PRELID2: variants seen among roughly 807,000 people sequenced by gnomAD.
The protein encoded by PRELID2 is PRELI domain-containing protein 2.
In PRELID2, 25 loss-of-function variants were observed where a neutral mutation model predicts 28.4. The ratio of observed to expected loss-of-function variants is 0.88; its 90% CI spans 0.64 to 1.23. PRELID2 has a LOEUF of 1.23. PRELID2 is among the 50% of genes most tolerant of loss of function. PRELID2 has a pLI of 0.00. For missense variants in PRELID2, 201 were observed against 214.4 expected, an observed-to-expected ratio of 0.94 and a Z score of 0.39; for synonymous variants, 76 against 71.6, an observed-to-expected ratio of 1.06 and a Z score of -0.31.
intron 1 of PRELID2, among the ~76,000 whole-genome samples, chr5:145,685,537 A>AT (rs1210797926): frequency 3.9e-5 from 6 of 152,064 alleles, no homozygotes; most frequent in Admixed American, 1.3e-4. Context: ...CTCCATGACC[A>AT]TTTTTTTCCT....
At chr5:145,408,911 C>CA in the PRELID2 span, among the ~76,000 whole-genome samples, 3 of 152,012 alleles carry the variant, frequency 2.0e-5, no homozygotes. Flanking sequence ...CCTAGGCACA[C>CA]AGTCATCAGG....
intron 1 of PRELID2, among the ~76,000 whole-genome samples, chr5:145,530,674 T>G (rs1752648017): frequency 6.6e-6 from 1 of 151,938 alleles, no homozygotes; most frequent in African/African-American, 2.4e-5. Flanking sequence ...AATCAGGACT[T>G]TTTCTTGTCT....
chr5:145,402,404 T>C, the PRELID2 span, among the ~76,000 whole-genome samples: 2 of 152,332 alleles, frequency 1.3e-5, no homozygotes, highest in African/African-American at 4.8e-5. Flanking sequence ...GGATTGTTTA[T>C]ATATGAAACA....
the PRELID2 span, among the ~76,000 whole-genome samples, chr5:145,260,442 C>G: frequency 6.6e-6 from 1 of 152,170 alleles, no homozygotes; most frequent in Non-Finnish European, 1.5e-5. Flanking sequence ...AAGACTTAAA[C>G]AGCATTGTCA....
intron 1 of PRELID2, among the ~76,000 whole-genome samples, chr5:145,486,623 T>G (rs988642494): frequency 1.3e-5 from 2 of 152,126 alleles, no homozygotes; most frequent in African/African-American, 4.8e-5. Context: ...TAAGGTGGCA[T>G]GTGCTGTCAG....
chr5:145,603,443 A>G (rs1753427873), intron 1 of PRELID2, among the ~76,000 whole-genome samples: 1 of 152,186 alleles, frequency 6.6e-6, no homozygotes, highest in Non-Finnish European at 1.5e-5. Flanking sequence ...ATGATTGACA[A>G]CCTAAAATGT....
Position 145,746,309 on chromosome 5 carries a change from G to A in PRELID2, n.70+18622C>T, listed in dbSNP as rs140434450. Among the ~76,000 whole-genome samples the A allele has an allele frequency of 6.6e-3, 1,004 of 152,078 alleles. 13 individuals carry two copies. Among genetic ancestry groups the A allele is most frequent in the African/African-American group, 0.023 (936 of 41,460 alleles). On this transcript the variant is annotated intron_variant and non_coding_transcript_variant, in intron 1 of 2. Transcript: ENST00000510259. Reference sequence around the variant, plus strand: ...AGTCACACATGGGCTCAAAATAAAGGGATGGAGGAAAATTTACCAAGAAAA... The same window carrying A: ...AGTCACACATGGGCTCAAAATAAAGAGATGGAGGAAAATTTACCAAGAAAA...
At chr5:145,392,579 G>A in the PRELID2 span, among the ~76,000 whole-genome samples, 1 of 152,042 alleles carries the variant, frequency 6.6e-6, no homozygotes, top group African/African-American at 2.4e-5. Context: ...AATTGCAGAG[G>A]ACACAATGCA....
the PRELID2 span, among the ~76,000 whole-genome samples, chr5:145,400,711 T>C: frequency 6.6e-6 from 1 of 152,106 alleles, no homozygotes; most frequent in South Asian, 2.1e-4. Flanking sequence ...CTTTGTTTCT[T>C]TGGACCATCT....
chr5:145,282,717 C>T, the PRELID2 span, among the ~76,000 whole-genome samples: 2 of 152,036 alleles, frequency 1.3e-5, no homozygotes, highest in Non-Finnish European at 2.9e-5. Flanking sequence ...CAGGGTTTCA[C>T]CATTTTGACC....
chr5:145,593,187 C>T (rs1006538321), intron 1 of PRELID2, among the ~76,000 whole-genome samples: 3 of 152,140 alleles, frequency 2.0e-5, no homozygotes, highest in South Asian at 4.2e-4. Flanking sequence ...AAGAATCATA[C>T]GTCCTAGTCT....
chr5:145,519,063 A>G (rs181619577), intron 1 of PRELID2, among the ~76,000 whole-genome samples: 1 of 152,262 alleles, frequency 6.6e-6, no homozygotes, highest in East Asian at 1.9e-4. Flanking sequence ...TTTTCATATC[A>G]TAACCTGCCC....
chr5:145,557,025 T>C (rs147435394), intron 1 of PRELID2, among the ~76,000 whole-genome samples: 8 of 152,314 alleles, frequency 5.3e-5, no homozygotes, highest in African/African-American at 1.9e-4. Flanking sequence ...ATTGCAACTT[T>C]AAAGTTGTGT....
chr5:145,464,655 T>C, the PRELID2 span, among the ~76,000 whole-genome samples: 61 of 152,266 alleles, frequency 4.0e-4, no homozygotes, highest in Non-Finnish European at 7.9e-4. Context: ...TATTTGGACA[T>C]GTGAAAGATG....
At chr5:145,802,228 C>T (rs1753183815) in intron 4 of PRELID2, among the ~76,000 whole-genome samples, 1 of 152,220 alleles carries the variant, frequency 6.6e-6, no homozygotes, top group African/African-American at 2.4e-5. Flanking sequence ...CAGTTTATGG[C>T]TGTTATCAAC....
chr5:145,307,275 T>C, the PRELID2 span, among the ~76,000 whole-genome samples: 10 of 152,066 alleles, frequency 6.6e-5, no homozygotes, highest in Non-Finnish European at 1.3e-4. Context: ...GCAGGTACCA[T>C]GGAAGCCAGG....
At chr5:145,516,797 C>A (rs1256689842) in intron 1 of PRELID2, among the ~76,000 whole-genome samples, 1 of 152,100 alleles carries the variant, frequency 6.6e-6, no homozygotes, top group African/African-American at 2.4e-5. Context: ...GATATATAGA[C>A]CAATGGAACA....
chr5:145,699,861 G>C (rs1277030232), intron 1 of PRELID2, among the ~76,000 whole-genome samples: 2 of 152,118 alleles, frequency 1.3e-5, no homozygotes, highest in Non-Finnish European at 2.9e-5. Flanking sequence ...TCCAAAAACA[G>C]ACCCTGGTGT....
the PRELID2 span, among the ~76,000 whole-genome samples, chr5:145,288,608 C>T: frequency 6.6e-6 from 1 of 152,100 alleles, no homozygotes; most frequent in South Asian, 2.1e-4. Context: ...GTGCTGGTTG[C>T]TACTGAGTAT....
Sources: allele counts gnomAD v4.1 joint callset (sites outside exome capture counted in the v4.1 genomes callset), GRCh38; gene constraint gnomAD v4.1.1; transcripts MANE v1.5; gene names NCBI Gene and HGNC (gene_info 2026-07-23, HGNC 2026-07-21).